GRID1: variants seen among roughly 807,000 people sequenced by gnomAD.
GRID1 encodes glutamate receptor ionotropic, delta-1.
A neutral mutation model predicts 98.0 loss-of-function variants in GRID1; 28 were observed. That is an observed-to-expected ratio of 0.29 (90% CI 0.21 to 0.39). The LOEUF (loss-of-function observed/expected upper bound fraction) is 0.39, where lower values mean the gene tolerates loss of function less well. GRID1 is among the 10% of genes least tolerant of loss of function. GRID1 has a pLI of 1.00. For missense variants in GRID1, 1,111 were observed against 1,340.5 expected (o/e 0.83, Z 2.67); for synonymous variants, 553 against 538.5 (o/e 1.03, Z -0.37).
At chr10:86,178,623 C>G (rs892148489) in intron 3 of GRID1, among the ~76,000 whole-genome samples, 1 of 150,408 alleles carries the variant, frequency 6.6e-6, no homozygotes, top group African/African-American at 2.5e-5. Context: ...CACCCCGGGG[C>G]GTTCTACACA....
chr10:85,729,305 T>C (rs1215102493), intron 9 of GRID1, among the ~76,000 whole-genome samples: 1 of 152,164 alleles, frequency 6.6e-6, no homozygotes, highest in Non-Finnish European at 1.5e-5. Flanking sequence ...GGGACTTCCT[T>C]TGGAAGGCAC....
chr10:85,943,024 C>T (rs905011921), intron 4 of GRID1, among the ~76,000 whole-genome samples: 2 of 152,122 alleles, frequency 1.3e-5, no homozygotes, highest in African/African-American at 2.4e-5. Context: ...TTCTATTATT[C>T]CATTTTGATA....
intron 2 of GRID1, among the ~76,000 whole-genome samples, chr10:86,274,287 A>G (rs1253131605): frequency 1.3e-5 from 2 of 152,220 alleles, no homozygotes; most frequent in Non-Finnish European, 2.9e-5. Flanking sequence ...TTTTGGTACC[A>G]GTACCATGCT....
At chr10:86,286,136 GTA>G (rs1847427798) in intron 2 of GRID1, among the ~76,000 whole-genome samples, 1 of 152,172 alleles carries the variant, frequency 6.6e-6, no homozygotes, top group East Asian at 1.9e-4. Flanking sequence ...GTAGGTATAG[GTA>G]TAGGTAGAGA....
At chr10:85,915,767 C>G (rs1841610980) in intron 5 of GRID1, among the ~76,000 whole-genome samples, 1 of 152,190 alleles carries the variant, frequency 6.6e-6, no homozygotes. Context: ...CATACACACT[C>G]TTGCTCACAC....
intron 4 of GRID1, among the ~76,000 whole-genome samples, chr10:86,089,071 C>T (rs1186086936): frequency 1.3e-5 from 2 of 152,186 alleles, no homozygotes; most frequent in Non-Finnish European, 2.9e-5. Flanking sequence ...GAGTGCAGAT[C>T]CCAGACTCCC....
intron 5 of GRID1, among the ~76,000 whole-genome samples, chr10:85,879,308 C>A (rs887168434): frequency 2.0e-5 from 3 of 152,198 alleles, no homozygotes; most frequent in African/African-American, 7.2e-5. Context: ...CCCAAATCAA[C>A]AGAATATACA....
chr10:86,252,843 T>C (rs1338109010), intron 2 of GRID1, among the ~76,000 whole-genome samples: 1 of 152,182 alleles, frequency 6.6e-6, no homozygotes, highest in East Asian at 1.9e-4. Flanking sequence ...ATTTGCTGAG[T>C]CTCCAAGCAA....
At chr10:85,804,028 G>A (rs1019625004) in intron 8 of GRID1, among the ~76,000 whole-genome samples, 1 of 150,276 alleles carries the variant, frequency 6.7e-6, no homozygotes, top group Non-Finnish European at 1.5e-5. Context: ...TAGAATTAAT[G>A]GAACACTAAA....
chr10:85,799,651 A>G (rs1016635781), intron 8 of GRID1, among the ~76,000 whole-genome samples: 2 of 152,122 alleles, frequency 1.3e-5, no homozygotes, highest in Admixed American at 1.3e-4. Flanking sequence ...TCACTCGTGG[A>G]ATCTTAAAAA....
chr10:85,735,910 C>A, intron 8 of GRID1, among the ~76,000 whole-genome samples: 2 of 102,466 alleles, frequency 2.0e-5, no homozygotes, highest in Admixed American at 1.2e-4. Flanking sequence ...AGGGAGGAAG[C>A]AAGAGAAGGA....
chr10:86,323,859 T>C (rs988516704), intron 2 of GRID1, among the ~76,000 whole-genome samples: 5 of 152,174 alleles, frequency 3.3e-5, no homozygotes, highest in African/African-American at 1.2e-4. Context: ...AAAGCAGTAG[T>C]GAGAAAAAAC....
chr10:85,900,012 C>T (rs74326631), intron 5 of GRID1, among the ~76,000 whole-genome samples: 3,351 of 152,282 alleles, frequency 0.022, 129 homozygotes, highest in African/African-American at 0.076. Flanking sequence ...ATGTAGCATC[C>T]CCTGGTTTGA....
At chr10:86,320,836 AC>A (rs1218190917) in intron 2 of GRID1, among the ~76,000 whole-genome samples, 1 of 152,190 alleles carries the variant, frequency 6.6e-6, no homozygotes, top group African/African-American at 2.4e-5. Flanking sequence ...GCGGTGGCTC[AC>A]GCCTGTAATC....
chr10:86,269,428 C>T (rs918388102), intron 2 of GRID1, among the ~76,000 whole-genome samples: 5 of 152,218 alleles, frequency 3.3e-5, no homozygotes, highest in African/African-American at 1.2e-4. Context: ...AAGTTATGCA[C>T]CCAGCTCCCT....
At chr10:86,252,556 A>G (rs559545191) in intron 2 of GRID1, among the ~76,000 whole-genome samples, 85 of 152,348 alleles carry the variant, frequency 5.6e-4, no homozygotes, top group Middle Eastern at 3.4e-3. Context: ...TTGGTGTGCA[A>G]ATTCTGTATG....
At chr10:86,149,546 A>T (rs1845134085) in intron 3 of GRID1, among the ~76,000 whole-genome samples, 1 of 152,254 alleles carries the variant, frequency 6.6e-6, no homozygotes, top group African/African-American at 2.4e-5. Context: ...ACTCCTTTCC[A>T]TTTAAAAAAC....
chr10:86,089,195 G>A (rs1371894527), intron 4 of GRID1, among the ~76,000 whole-genome samples: 2 of 152,042 alleles, frequency 1.3e-5, no homozygotes, highest in African/African-American at 4.8e-5. Flanking sequence ...CAAACACACC[G>A]CCCCCCTACA....
chr10:86,216,378 T>C (rs1203269992), intron 2 of GRID1, among the ~76,000 whole-genome samples: 1 of 152,180 alleles, frequency 6.6e-6, no homozygotes, highest in Non-Finnish European at 1.5e-5. Flanking sequence ...ATTTGAAATA[T>C]CAGTGTTTCA....
Sources: allele counts gnomAD v4.1 joint callset (sites outside exome capture counted in the v4.1 genomes callset), GRCh38; gene constraint gnomAD v4.1.1; transcripts MANE v1.5; gene names NCBI Gene and HGNC (gene_info 2026-07-23, HGNC 2026-07-21).